Variants in PTCHD4 observed in about 807,000 individuals in gnomAD.
PTCHD4 encodes patched domain containing 4.
PTCHD4 carries 33 observed loss-of-function variants against 58.1 expected under a neutral mutation model. That is an observed-to-expected ratio of 0.57 (90% CI 0.43 to 0.76). The LOEUF (loss-of-function observed/expected upper bound fraction) is 0.76. Among genes scored for constraint, PTCHD4 ranks in the 30% least tolerant of loss-of-function variants. The pLI, the probability that PTCHD4 is intolerant of heterozygous loss-of-function variation, is 0.00. For missense variants in PTCHD4, 1,058 were observed against 1,027.1 expected, an observed-to-expected ratio of 1.03 and a Z score of -0.41; for synonymous variants, 478 against 409.6, an observed-to-expected ratio of 1.17 and a Z score of -2.02.
At position 47,875,519 on chromosome 6, in the gene PTCHD4, A is replaced by C. The variant is rs1369965299; in HGVS notation, c.*2784T>G. Among the ~76,000 whole-genome samples the C allele has an allele frequency of 2.6e-5, 4 of 151,820 alleles. No individual in the cohort carries two copies. Among genetic ancestry groups the C allele is most frequent in the African/African-American group, 7.2e-5 (3 of 41,382 alleles). On this transcript the variant is annotated 3_prime_UTR_variant, in exon 5 of 5. Transcript: ENST00000339488. ...GGTGGTATATTAACTCTTCCAGAAC[A>C]AATAATTCCATTTCAGTAAATTATT...
chr6:48,096,610 T>TAAAA (rs386406978), intron 1 of PTCHD4, among the ~76,000 whole-genome samples: 2 of 134,696 alleles, frequency 1.5e-5, no homozygotes, highest in African/African-American at 2.8e-5. Flanking sequence ...AGACTCTGCC[T>TAAAA]AAAAAAAAAA....
At chr6:47,989,769 G>A (rs1445107097) in intron 4 of PTCHD4, among the ~76,000 whole-genome samples, 1 of 152,228 alleles carries the variant, frequency 6.6e-6, no homozygotes, top group Non-Finnish European at 1.5e-5. Context: ...CTCATGGAGA[G>A]CCTCTGTTAG....
rs1480739314 is a variant in PTCHD4, at chr6:48,058,420, GA to G, written c.417+9809del. Among the ~76,000 whole-genome samples the G allele has an allele frequency of 2.6e-5, 4 of 152,192 alleles. No individual in the cohort carries two copies. In the South Asian group the frequency reaches 8.3e-4, roughly 32 times the overall value. ...GTTTATATGTTTTGACTGAGTGGGG[GA>G]AACTTAATTATAGATGACCGAGACA... On this transcript the variant is annotated intron_variant, in intron 3 of 4. Transcript: ENST00000339488.
At chr6:47,950,699 G>A (rs1482049195) in intron 4 of PTCHD4, among the ~76,000 whole-genome samples, 1 of 152,166 alleles carries the variant, frequency 6.6e-6, no homozygotes, top group African/African-American at 2.4e-5. Flanking sequence ...AGTGGAGGTA[G>A]GTTACAGAGC....
At chr6:47,919,075 G>A (rs1765349560) in intron 4 of PTCHD4, among the ~76,000 whole-genome samples, 1 of 152,104 alleles carries the variant, frequency 6.6e-6, no homozygotes, top group Admixed American at 6.6e-5. Flanking sequence ...GCCCTGGACT[G>A]CTTAAATTTG....
At chr6:47,897,565 A>T (rs1373008231) in intron 4 of PTCHD4, among the ~76,000 whole-genome samples, 1 of 152,108 alleles carries the variant, frequency 6.6e-6, no homozygotes, top group Non-Finnish European at 1.5e-5. Context: ...TGTCATTAAG[A>T]CCTAATTCTC....
intron 3 of PTCHD4, among the ~76,000 whole-genome samples, chr6:48,039,793 C>G (rs1027955862): frequency 6.6e-6 from 1 of 152,128 alleles, no homozygotes; most frequent in African/African-American, 2.4e-5. Flanking sequence ...TGTCCCCAAC[C>G]TTGTTCATTG....
At chr6:47,892,907 A>G (rs1233107690) in intron 4 of PTCHD4, among the ~76,000 whole-genome samples, 2 of 152,338 alleles carry the variant, frequency 1.3e-5, no homozygotes, top group Non-Finnish European at 2.9e-5. Flanking sequence ...AGTTAACCCA[A>G]AAGTTCAGGA....
chr6:47,917,497 A>C (rs1202916800), intron 4 of PTCHD4, among the ~76,000 whole-genome samples: 2 of 152,130 alleles, frequency 1.3e-5, no homozygotes, highest in Non-Finnish European at 2.9e-5. Context: ...ACCACCTCAC[A>C]CTGGTCTTGA....
intron 4 of PTCHD4, among the ~76,000 whole-genome samples, chr6:47,997,701 C>T (rs556704757): frequency 1.4e-4 from 21 of 152,262 alleles, no homozygotes; most frequent in Middle Eastern, 3.4e-3. Flanking sequence ...TAAGACATTA[C>T]TCAATCATTA....
At chr6:47,880,025 C>T in intron 4 of PTCHD4, 89 bp from the exon 5 acceptor site, 1 of 1,010,770 alleles carries the variant, frequency 9.9e-7, no homozygotes, top group Non-Finnish European at 1.4e-6. Flanking sequence ...TGCTAAATGG[C>T]ACTTTATACT....
intron 1 of PTCHD4, among the ~76,000 whole-genome samples, chr6:48,076,910 C>T (rs1277154629): frequency 1.3e-5 from 2 of 152,182 alleles, no homozygotes; most frequent in East Asian, 3.8e-4. Flanking sequence ...AGTATGGCTG[C>T]TGGGATTGCC....
intron 1 of PTCHD4, among the ~76,000 whole-genome samples, chr6:48,089,456 A>G (rs1765322494): frequency 6.6e-6 from 1 of 152,246 alleles, no homozygotes; most frequent in African/African-American, 2.4e-5. Flanking sequence ...TAAAATCTTA[A>G]CACATGTTAA....
intron 4 of PTCHD4, among the ~76,000 whole-genome samples, chr6:47,969,497 T>C (rs1042200581): frequency 6.6e-6 from 1 of 152,170 alleles, no homozygotes; most frequent in Non-Finnish European, 1.5e-5. Context: ...TTCCTACCTA[T>C]CATATATATG....
intron 1 of PTCHD4, among the ~76,000 whole-genome samples, chr6:48,075,894 G>A (rs942095252): frequency 1.3e-5 from 2 of 152,112 alleles, no homozygotes; most frequent in Non-Finnish European, 2.9e-5. Context: ...GAGTGGTTGT[G>A]GAAATTTCTT....
At chr6:47,941,387 T>C (rs75781704) in intron 4 of PTCHD4, among the ~76,000 whole-genome samples, 7,375 of 152,264 alleles carry the variant, frequency 0.048, 225 homozygotes, top group African/African-American at 0.081. Context: ...CAGTCCTTTA[T>C]CCTCTATCCC....
chr6:47,926,910 T>C (rs1003571718), intron 4 of PTCHD4, among the ~76,000 whole-genome samples: 3 of 152,188 alleles, frequency 2.0e-5, no homozygotes, highest in African/African-American at 7.2e-5. Context: ...TTGAAATCTA[T>C]AGTTAGGGGA....
At chr6:48,030,021 A>G (rs1300291870) in intron 3 of PTCHD4, among the ~76,000 whole-genome samples, 1 of 152,110 alleles carries the variant, frequency 6.6e-6, no homozygotes, top group Non-Finnish European at 1.5e-5. Context: ...TATAGGTACT[A>G]CAGGTGAAGT....
At chr6:48,008,555 T>A in intron 4 of PTCHD4, 79 bp downstream of exon 4, 5 of 1,466,876 alleles carry the variant, frequency 3.4e-6, no homozygotes, top group Non-Finnish European at 4.6e-6. Flanking sequence ...TAAAACAGAT[T>A]TCCACCTGAG....
Sources: allele counts gnomAD v4.1 joint callset (sites outside exome capture counted in the v4.1 genomes callset), GRCh38; gene constraint gnomAD v4.1.1; transcripts MANE v1.5; gene names NCBI Gene and HGNC (gene_info 2026-07-23, HGNC 2026-07-21).